Variants in CEP85L observed in about 807,000 individuals in gnomAD.
CEP85L encodes the protein centrosomal protein of 85 kDa-like.
In CEP85L, 60 loss-of-function variants were observed where a neutral mutation model predicts 100.3. That is an observed-to-expected ratio of 0.60 (90% confidence interval 0.49 to 0.74). The LOEUF (loss-of-function observed/expected upper bound fraction) is 0.74. Ranked by LOEUF, CEP85L falls within the 30% of genes least tolerant of loss-of-function variation. The pLI is 0.00. For synonymous variants in CEP85L, 319 were observed against 322.7 expected (o/e 0.99, Z 0.12); for missense variants, 973 against 936.2 (o/e 1.04, Z -0.51).
intron 5 of CEP85L, among the ~76,000 whole-genome samples, chr6:118,497,937 T>C (rs548049542): frequency 6.6e-6 from 1 of 152,342 alleles, no homozygotes; most frequent in African/African-American, 2.4e-5. Context: ...TGCATGTATG[T>C]ATACATATGC....
intron 4 of CEP85L, among the ~76,000 whole-genome samples, chr6:118,516,928 G>T (rs1186647102): frequency 3.3e-5 from 5 of 152,160 alleles, no homozygotes; most frequent in African/African-American, 7.2e-5. Flanking sequence ...TTTGTTTAAG[G>T]TGTAAGGAAG....
At chr6:118,653,743 CTGTG>C (rs372465732), upstream of CEP85L, among the ~76,000 whole-genome samples, 20 of 130,646 alleles carry the variant, frequency 1.5e-4, no homozygotes, top group African/African-American at 5.9e-4. Context: ...AATAGTGACT[CTGTG>C]TATGTGTGTG....
At chr6:118,687,809 A>G (rs1201149972) in intron 1 of CEP85L, among the ~76,000 whole-genome samples, 2 of 152,144 alleles carry the variant, frequency 1.3e-5, no homozygotes, top group African/African-American at 2.4e-5. Flanking sequence ...CCATCCCTCC[A>G]GATCTGGCAG....
intron 1 of CEP85L, among the ~76,000 whole-genome samples, chr6:118,681,826 C>T (rs1477089696): frequency 6.6e-6 from 1 of 150,948 alleles, no homozygotes; most frequent in African/African-American, 2.4e-5. Flanking sequence ...CTGCAACCTC[C>T]ACCTCCTGGG....
chr6:118,525,754 T>C (rs1332903321), intron 3 of CEP85L, among the ~76,000 whole-genome samples: 1 of 152,248 alleles, frequency 6.6e-6, no homozygotes, highest in East Asian at 1.9e-4. Context: ...AGCTCATTTG[T>C]GATACTCTGT....
At chr6:118,561,895 C>A (rs2114982074) in intron 3 of CEP85L, among the ~76,000 whole-genome samples, 1 of 152,062 alleles carries the variant, frequency 6.6e-6, no homozygotes, top group Admixed American at 6.5e-5. Context: ...TACTACATAG[C>A]GATTATTTAT....
In CEP85L at chr6:118,464,028, C is replaced by G. The variant is rs908465418; in HGVS notation, c.*1377G>C. 6.6e-6 allele frequency: 1 copy of G among 152,168 alleles called. No homozygotes were observed. Among genetic ancestry groups the G allele is most frequent in the Non-Finnish European group, 1.5e-5 (1 of 67,990 alleles). 9.4% of individuals were successfully genotyped at this position (152,168 alleles called of 1,614,324 possible). On this transcript the variant is annotated 3_prime_UTR_variant, in exon 13 of 13. Transcript: ENST00000368491. ...CAAATCAATATTATCCTGCTTGAGT[C>G]ACACCCTCTACCCCTCCATCTCTTA... is the stretch of plus-strand genomic sequence containing the variant.
chr6:118,632,334 A>G (rs776647224), intron 2 of CEP85L, 119 bp downstream of exon 2: 122 of 825,872 alleles, frequency 1.5e-4, no homozygotes, highest in Non-Finnish European at 2.2e-4. Flanking sequence ...ACTGAACATT[A>G]TTAAATATTC....
chr6:118,558,467 A>G (rs1375307272), intron 3 of CEP85L, among the ~76,000 whole-genome samples: 1 of 152,138 alleles, frequency 6.6e-6, no homozygotes, highest in African/African-American at 2.4e-5. Flanking sequence ...GTTTCCAGGA[A>G]CTTATGGAAG....
chr6:118,545,512 C>T (rs775741937), intron 3 of CEP85L, among the ~76,000 whole-genome samples: 2 of 152,090 alleles, frequency 1.3e-5, no homozygotes, highest in African/African-American at 4.8e-5. Context: ...CGCTTGAACC[C>T]GAGAGGGAGA....
At chr6:118,486,967 C>G (rs542466055) in intron 6 of CEP85L, among the ~76,000 whole-genome samples, 1 of 151,938 alleles carries the variant, frequency 6.6e-6, no homozygotes, top group African/African-American at 2.4e-5. Flanking sequence ...GCTACATACG[C>G]CACAGAGACA....
intron 1 of CEP85L, chr6:118,647,192 A>G: frequency 3.4e-6 from 1 of 296,676 alleles, no homozygotes. Context: ...TCATTATGAC[A>G]TCACTAAACA....
At chr6:118,568,853 A>G (rs1323658350) in intron 2 of CEP85L, among the ~76,000 whole-genome samples, 1 of 152,180 alleles carries the variant, frequency 6.6e-6, no homozygotes, top group Non-Finnish European at 1.5e-5. Context: ...GTATTCACAT[A>G]TTATAGCATT....
intron 5 of CEP85L, among the ~76,000 whole-genome samples, chr6:118,506,427 T>A (rs1460396698): frequency 6.6e-6 from 1 of 152,152 alleles, no homozygotes; most frequent in Non-Finnish European, 1.5e-5. Context: ...TGAAAGTCTA[T>A]AAAGAAGGAA....
chr6:118,655,439 A>G (rs1286053212), upstream of CEP85L, among the ~76,000 whole-genome samples: 1 of 152,248 alleles, frequency 6.6e-6, no homozygotes, highest in Non-Finnish European at 1.5e-5. Context: ...AATGGAACTT[A>G]TTATGGTAAC....
At chr6:118,594,851 C>T (rs1175818755) in intron 2 of CEP85L, among the ~76,000 whole-genome samples, 1 of 94,122 alleles carries the variant, frequency 1.1e-5, no homozygotes, top group Non-Finnish European at 2.3e-5. Flanking sequence ...GCGAGATTGT[C>T]TCAAAAAAAA....
At chr6:118,645,067 A>G (rs1199297693) in intron 1 of CEP85L, among the ~76,000 whole-genome samples, 2 of 152,156 alleles carry the variant, frequency 1.3e-5, no homozygotes, top group Non-Finnish European at 2.9e-5. Flanking sequence ...AACCCCTAAC[A>G]TTATTATCAG....
intron 2 of CEP85L, among the ~76,000 whole-genome samples, chr6:118,604,196 T>C (rs1297815187): frequency 6.6e-6 from 1 of 152,254 alleles, no homozygotes; most frequent in Non-Finnish European, 1.5e-5. Context: ...TTTACAAATA[T>C]GTCTATCCAA....
intron 3 of CEP85L, among the ~76,000 whole-genome samples, chr6:118,551,388 C>T (rs1302038986): frequency 6.4e-5 from 5 of 78,532 alleles, no homozygotes; most frequent in Non-Finnish European, 1.3e-4. Flanking sequence ...TATTAAGTGG[C>T]ATTCATTTTA....
Sources: allele counts gnomAD v4.1 joint callset (sites outside exome capture counted in the v4.1 genomes callset), GRCh38; gene constraint gnomAD v4.1.1; transcripts MANE v1.5; gene names NCBI Gene and HGNC (gene_info 2026-07-23, HGNC 2026-07-21).